The following TBC1D19 variants were observed in gnomAD, a reference collection of about 807,000 sequenced individuals.
TBC1D19 encodes TBC1 domain family member 19, also known as TBC1 domain family, member 19.
A neutral mutation model predicts 89.0 loss-of-function variants in TBC1D19; 60 were observed. The ratio of observed to expected loss-of-function variants is 0.67; its 90% CI spans 0.55 to 0.84. The LOEUF (loss-of-function observed/expected upper bound fraction) is 0.84, where lower values mean the gene tolerates loss of function less well. Among genes scored for constraint, TBC1D19 ranks in the 40% least tolerant of loss-of-function variants. The pLI is 0.00. For synonymous variants in TBC1D19, 189 were observed against 199.7 expected, an observed-to-expected ratio of 0.95 and a Z score of 0.45; for missense variants, 500 against 610.8, an observed-to-expected ratio of 0.82 and a Z score of 1.91.
intron 7 of TBC1D19, among the ~76,000 whole-genome samples, chr4:26,649,370 G>T (rs892850961): frequency 6.6e-6 from 1 of 151,918 alleles, no homozygotes; most frequent in Admixed American, 6.6e-5. Flanking sequence ...TATTGAGCTA[G>T]AATTTTTACA....
intron 18 of TBC1D19, among the ~76,000 whole-genome samples, chr4:26,744,149 A>C (rs1490607467): frequency 6.6e-6 from 1 of 151,594 alleles, no homozygotes; most frequent in Non-Finnish European, 1.5e-5. Context: ...AGGTTATCAT[A>C]TTTATAAACA....
At chr4:26,789,118 C>A in the TBC1D19 span, among the ~76,000 whole-genome samples, 1,299 of 152,188 alleles carry the variant, frequency 8.5e-3, 18 homozygotes, top group African/African-American at 0.03. Flanking sequence ...GGGTTTGAAT[C>A]TTAGCTCCAT....
rs1365220576 is a variant in TBC1D19, at chr4:26,650,217, A to G, written c.481-9380A>G. On this transcript the variant is annotated intron_variant, in intron 7 of 20. Coordinates refer to ENST00000264866, the MANE Select transcript of TBC1D19 (RefSeq NM_018317.4). The stretch of plus-strand genomic sequence containing the variant: ...TAGCAGCATGATTTATAATCCTTTG[A>G]GTATATACCCCGTAATGGAATGGCT... 7.9e-5 allele frequency among the ~76,000 whole-genome samples: 12 copies of G among 151,494 alleles called. No individual in the cohort carries two copies. The East Asian group carries it at 1.9e-3, about 24-fold the overall frequency.
rs1342839466 is a variant in TBC1D19, at chr4:26,695,249, G to A, written c.954+6842G>A. On this transcript the variant is annotated intron_variant, in intron 13 of 20. Transcript: ENST00000264866. The stretch of plus-strand genomic sequence containing the variant: ...AGCCAATTCGATCAACTGGAAGAAA[G>A]GGTATCAGTGATTGAAGATGAAATG... Among the ~76,000 whole-genome samples the A allele has an allele frequency of 2.6e-5, 4 of 152,308 alleles. No individual in the cohort carries two copies. The South Asian group carries it at 6.2e-4, about 24-fold the overall frequency.
chr4:26,636,942 A>T (rs1173237248), intron 4 of TBC1D19, among the ~76,000 whole-genome samples: 3 of 152,118 alleles, frequency 2.0e-5, no homozygotes, highest in African/African-American at 7.2e-5. Context: ...TTGACATTTT[A>T]AAAAATCTGT....
intron 13 of TBC1D19, among the ~76,000 whole-genome samples, chr4:26,705,586 T>G (rs1715675289): frequency 6.6e-6 from 1 of 152,170 alleles, no homozygotes. Flanking sequence ...GCACAAACCC[T>G]TGTTGTAAAT....
At chr4:26,640,209 C>T (rs765910189) in intron 7 of TBC1D19, 22 bp downstream of exon 7, 2 of 1,544,774 alleles carry the variant, frequency 1.3e-6, no homozygotes, top group South Asian at 2.3e-5. Flanking sequence ...TGGATAAATA[C>T]ACATATATTA....
At chr4:26,852,129 C>A in the TBC1D19 span, among the ~76,000 whole-genome samples, 3 of 152,248 alleles carry the variant, frequency 2.0e-5, no homozygotes, top group Non-Finnish European at 4.4e-5. Flanking sequence ...TGTCCTTCTG[C>A]CATCACTTGC....
At chr4:26,698,297 A>T (rs531075590) in intron 13 of TBC1D19, among the ~76,000 whole-genome samples, 2 of 152,306 alleles carry the variant, frequency 1.3e-5, no homozygotes, top group African/African-American at 4.8e-5. Flanking sequence ...TAGGAATCCA[A>T]CTTACAAGGG....
chr4:26,658,098 C>G (rs1744981440), intron 7 of TBC1D19, among the ~76,000 whole-genome samples: 1 of 152,112 alleles, frequency 6.6e-6, no homozygotes, highest in Non-Finnish European at 1.5e-5. Flanking sequence ...AATTAGATCC[C>G]ATTTGTCAAT....
At chr4:26,606,254 AC>A (rs1334317078) in intron 1 of TBC1D19, among the ~76,000 whole-genome samples, 1 of 152,226 alleles carries the variant, frequency 6.6e-6, no homozygotes, top group Non-Finnish European at 1.5e-5. Flanking sequence ...TTAAGAAACT[AC>A]AACAGTGGAG....
At chr4:26,822,182 C>A in the TBC1D19 span, among the ~76,000 whole-genome samples, 1 of 152,226 alleles carries the variant, frequency 6.6e-6, no homozygotes, top group Admixed American at 6.5e-5. Context: ...CTCTCTCTGG[C>A]AGAGACACAT....
chr4:26,858,906 C>T, the TBC1D19 span: 1 of 152,068 alleles, frequency 6.6e-6, no homozygotes, highest in African/African-American at 2.4e-5. Context: ...ACTAAATCAT[C>T]TTTGTTTAAA....
At chr4:26,752,813 A>G (rs2109336226) in intron 19 of TBC1D19, among the ~76,000 whole-genome samples, 1 of 152,266 alleles carries the variant, frequency 6.6e-6, no homozygotes, top group Admixed American at 6.5e-5. Context: ...AATGGAAAAA[A>G]TAATCCAAAT....
intron 8 of TBC1D19, among the ~76,000 whole-genome samples, chr4:26,665,152 C>T (rs545852524): frequency 6.6e-5 from 10 of 151,974 alleles, no homozygotes; most frequent in South Asian, 2.1e-4. Context: ...CAGGGGTCTG[C>T]GGTAGATCTT....
the TBC1D19 span, among the ~76,000 whole-genome samples, chr4:26,779,907 C>T: frequency 6.6e-6 from 1 of 152,188 alleles, no homozygotes; most frequent in Non-Finnish European, 1.5e-5. Context: ...CAGGTCCACA[C>T]TGGGTTTGGC....
intron 3 of TBC1D19, among the ~76,000 whole-genome samples, chr4:26,614,893 G>A (rs988701968): frequency 3.9e-5 from 6 of 152,096 alleles, no homozygotes; most frequent in Admixed American, 3.3e-4. Flanking sequence ...GGCCAGTCTA[G>A]TCTCGAACTC....
chr4:26,614,937 CA>C (rs932294874), intron 3 of TBC1D19, among the ~76,000 whole-genome samples: 1 of 152,168 alleles, frequency 6.6e-6, no homozygotes, highest in Non-Finnish European at 1.5e-5. Flanking sequence ...ATTGGCCCCC[CA>C]AAGTGCTGGG....
the TBC1D19 span, among the ~76,000 whole-genome samples, chr4:26,819,758 G>T: frequency 3.3e-5 from 5 of 152,116 alleles, no homozygotes; most frequent in Admixed American, 6.5e-5. Flanking sequence ...ACCCAGTATG[G>T]CTCTCAGACA....
Sources: allele counts gnomAD v4.1 joint callset (sites outside exome capture counted in the v4.1 genomes callset), GRCh38; gene constraint gnomAD v4.1.1; transcripts MANE v1.5; gene names NCBI Gene and HGNC (gene_info 2026-07-23, HGNC 2026-07-21).